The following STK32B variants were observed in gnomAD, a reference collection of about 807,000 sequenced individuals.
The protein encoded by STK32B is serine/threonine kinase 32B.
STK32B carries 43 observed loss-of-function variants against 52.6 expected under a neutral mutation model. That is an observed-to-expected ratio of 0.82 (90% CI 0.64 to 1.05). The LOEUF (loss-of-function observed/expected upper bound fraction) is 1.05, where lower values mean the gene tolerates loss of function less well. Among genes scored for constraint, STK32B ranks in the 50% least tolerant of loss-of-function variants. STK32B has a pLI of 0.00. For synonymous variants in STK32B, 238 were observed against 204.3 expected, an observed-to-expected ratio of 1.17 and a Z score of -1.41; for missense variants, 621 against 534.6, an observed-to-expected ratio of 1.16 and a Z score of -1.59.
At chr4:5,314,169 A>G (rs1462844341) in intron 3 of STK32B, among the ~76,000 whole-genome samples, 1 of 152,194 alleles carries the variant, frequency 6.6e-6, no homozygotes, top group Non-Finnish European at 1.5e-5. Flanking sequence ...AAGTTTTATT[A>G]TGTAACTGTA....
chr4:5,336,029 G>T (rs187193189), intron 4 of STK32B, among the ~76,000 whole-genome samples: 1 of 151,036 alleles, frequency 6.6e-6, no homozygotes, highest in East Asian at 2.0e-4. Flanking sequence ...GAAGACTAAA[G>T]GTTATTCTGC....
chr4:5,228,538 T>A (rs1455445955), intron 3 of STK32B, among the ~76,000 whole-genome samples: 1 of 152,238 alleles, frequency 6.6e-6, no homozygotes, highest in African/African-American at 2.4e-5. Flanking sequence ...TTTTGTCTTT[T>A]ATGGATCTTG....
chr4:5,333,325 G>T (rs1732403169), intron 4 of STK32B, among the ~76,000 whole-genome samples: 1 of 152,026 alleles, frequency 6.6e-6, no homozygotes, highest in Non-Finnish European at 1.5e-5. Context: ...TTTTGATGGG[G>T]TTGTTTTTTT....
chr4:5,340,217 A>T (rs1038386900), intron 4 of STK32B, among the ~76,000 whole-genome samples: 1 of 152,220 alleles, frequency 6.6e-6, no homozygotes, highest in Non-Finnish European at 1.5e-5. Context: ...GCATCCCCAC[A>T]AATGATTGCA....
At chr4:5,030,041 C>A in the STK32B span, among the ~76,000 whole-genome samples, 54 of 152,312 alleles carry the variant, frequency 3.5e-4, no homozygotes, top group Non-Finnish European at 6.8e-4. Context: ...TCCTCTTCAC[C>A]TTCCACCATG....
rs140263138 is a variant in STK32B at position 5,153,586 on chromosome 4, C to G, written c.108+13626C>G. ...ATAAAAAGCATTTACCAAAAACATACAAAAACATTTTATATAATGCTGAAA... is the reference window on the plus strand; with the variant it reads ...ATAAAAAGCATTTACCAAAAACATAGAAAAACATTTTATATAATGCTGAAA... On this transcript the variant is annotated intron_variant, in intron 2 of 11. Coordinates refer to ENST00000282908, the MANE Select transcript of STK32B (RefSeq NM_018401.3). 7.8e-3 allele frequency among the ~76,000 whole-genome samples: 1,172 copies of G among 151,006 alleles called. 19 individuals carry two copies. Among genetic ancestry groups the G allele is most frequent in the Middle Eastern group, 0.051 (15 of 292 alleles).
At chr4:5,063,021 G>GT (rs57207379) in intron 1 of STK32B, among the ~76,000 whole-genome samples, 5 of 152,060 alleles carry the variant, frequency 3.3e-5, no homozygotes, top group African/African-American at 4.8e-5. Flanking sequence ...ACTGCTTCTA[G>GT]TTTTTTACTA....
At chr4:5,385,442 G>A (rs1736184826) in intron 4 of STK32B, among the ~76,000 whole-genome samples, 1 of 148,544 alleles carries the variant, frequency 6.7e-6, no homozygotes, top group African/African-American at 2.5e-5. Flanking sequence ...GAGGTTGTGA[G>A]TGTTGGAGGG....
At chr4:5,457,023 C>T (rs1265860046) in intron 8 of STK32B, 100 bp downstream of exon 8, 6 of 850,888 alleles carry the variant, frequency 7.1e-6, no homozygotes, top group Non-Finnish European at 1.1e-5. Context: ...ATGGCATACT[C>T]GGGGTAGAGA....
At chr4:5,129,568 A>G (rs186765235) in intron 1 of STK32B, among the ~76,000 whole-genome samples, 1 of 152,292 alleles carries the variant, frequency 6.6e-6, no homozygotes, top group African/African-American at 2.4e-5. Flanking sequence ...TCACCTATTT[A>G]TTCTCCTAAG....
At chr4:5,250,775 C>T (rs2108831972) in intron 3 of STK32B, among the ~76,000 whole-genome samples, 1 of 152,198 alleles carries the variant, frequency 6.6e-6, no homozygotes, top group East Asian at 1.9e-4. Flanking sequence ...TGTGAGATGG[C>T]ATCTCATTGT....
In STK32B at chr4:5,453,768, G is replaced by A. The variant is rs1716241497; in HGVS notation, c.667-3039G>A. 6.7e-6 allele frequency among the ~76,000 whole-genome samples: 1 copy of A among 149,082 alleles called. No individual in the cohort carries two copies. On this transcript the variant is annotated intron_variant, in intron 7 of 11. Transcript: ENST00000282908. This position sits in a 1 kb window ranked among gnomAD's most constrained non-coding sequence, Gnocchi z 4.0. ...AAAATAAAAAAGATTAGTGGGGCATGGTGACGCGTGCCTGTAATCCCAGCT... is the reference window on the plus strand; with the variant it reads ...AAAATAAAAAAGATTAGTGGGGCATAGTGACGCGTGCCTGTAATCCCAGCT...
chr4:5,332,430 C>T (rs1044806633), intron 4 of STK32B, among the ~76,000 whole-genome samples: 1 of 152,080 alleles, frequency 6.6e-6, no homozygotes, highest in Non-Finnish European at 1.5e-5. Flanking sequence ...GGAATGGGGG[C>T]AGTTGGTGAA....
chr4:5,153,287 T>C (rs143677484), intron 2 of STK32B, among the ~76,000 whole-genome samples: 1 of 152,192 alleles, frequency 6.6e-6, no homozygotes, highest in Non-Finnish European at 1.5e-5. Context: ...CAGAGCCTGC[T>C]TCTTCCAGTC....
intron 11 of STK32B, among the ~76,000 whole-genome samples, chr4:5,491,556 T>C (rs1348876070): frequency 6.6e-6 from 1 of 151,914 alleles, no homozygotes; most frequent in Non-Finnish European, 1.5e-5. Context: ...GTAGTTTCTT[T>C]TGCTGTGCAG....
chr4:5,323,781 G>A (rs1731684841), intron 3 of STK32B, among the ~76,000 whole-genome samples: 1 of 152,172 alleles, frequency 6.6e-6, no homozygotes, highest in Non-Finnish European at 1.5e-5. Context: ...TGCTGAATTA[G>A]CTAGGTCCCT....
intron 2 of STK32B, among the ~76,000 whole-genome samples, chr4:5,157,146 T>C (rs547947582): frequency 2.6e-5 from 4 of 152,268 alleles, no homozygotes; most frequent in African/African-American, 7.2e-5. Context: ...TCCTTAAAAA[T>C]GTATTCTTTT....
chr4:5,226,220 G>T (rs1560238985), intron 3 of STK32B, among the ~76,000 whole-genome samples: 1 of 152,182 alleles, frequency 6.6e-6, no homozygotes, highest in Non-Finnish European at 1.5e-5. Flanking sequence ...GGCTACAAAA[G>T]TTGCTATTTT....
At chr4:5,122,255 T>C (rs1715074832) in intron 1 of STK32B, among the ~76,000 whole-genome samples, 1 of 152,038 alleles carries the variant, frequency 6.6e-6, no homozygotes, top group African/African-American at 2.4e-5. Context: ...TTTACTCATT[T>C]ACTCATTCAT....
Sources: allele counts gnomAD v4.1 joint callset (sites outside exome capture counted in the v4.1 genomes callset), GRCh38; gene constraint gnomAD v4.1.1; non-coding constraint Gnocchi (gnomAD v3.1); transcripts MANE v1.5; gene names NCBI Gene and HGNC (gene_info 2026-07-23, HGNC 2026-07-21).